Variants in USH1G observed in about 807,000 individuals in gnomAD.
The protein encoded by USH1G is USH1 protein network component sans.
Under a neutral mutation model 31.9 loss-of-function variants are expected in USH1G, and 27 were observed. That is an observed-to-expected ratio of 0.85 (90% confidence interval 0.62 to 1.17). The LOEUF (loss-of-function observed/expected upper bound fraction) is 1.17. Ranked by LOEUF, USH1G falls within the 50% of genes most tolerant of loss-of-function variation. The probability of loss-of-function intolerance (pLI) is 0.00; values close to 1 mark genes in which losing one functional copy is unlikely to be tolerated. For missense variants in USH1G, 674 were observed against 638.9 expected (o/e 1.05, Z -0.59); for synonymous variants, 266 against 283.2 (o/e 0.94, Z 0.61).
Position 74,916,887 on chromosome 17 carries a change from AC to A in USH1G, c.*1185del, listed in dbSNP as rs1194594718. The A allele has an allele frequency of 6.6e-6, 1 of 152,124 alleles. No homozygotes were observed. The allele number at this position is 152,124 out of a possible 1,614,324, so 9.4% of individuals were successfully genotyped here. On this transcript the variant is annotated 3_prime_UTR_variant, in exon 3 of 3. Coordinates refer to ENST00000614341, the MANE Select transcript of USH1G (RefSeq NM_173477.5). ...CCAACGTGAGTGTGCACACACGCAC[AC>A]ATGCACACACACACACATGCATGCA...
chr17:74,918,104 G>A lies in USH1G; in HGVS notation c.1383-28C>T. The A allele has an allele frequency of 6.2e-7, 1 of 1,613,654 alleles. No homozygotes were observed. The highest frequency in any genetic ancestry group is 2.2e-5 in the East Asian group (1 of 44,878). ...GTGGAGGAAGAGACAGAAAGAAACA[G>A]ATCTCACATGAGGCCCTCCAGAGGC... On this transcript the variant is annotated intron_variant, in intron 2 of 2. Transcript: ENST00000614341. This position sits in a 1 kb window ranked among gnomAD's most constrained non-coding sequence, Gnocchi z 4.1.
rs372068582 is a variant in USH1G at position 74,918,070 on chromosome 17, C to G, written c.*3G>C. The G allele has an allele frequency of 1.6e-4, 256 of 1,614,082 alleles. No individual in the cohort carries two copies. In the African/African-American group the frequency reaches 2.2e-3, roughly 14 times the overall value. ...ATTTTGGTCTGGGGAGAGGAGCCCC[C>G]GGTTATCTGTGGAGGAAGAGACAGA... On this transcript the variant is annotated 3_prime_UTR_variant, in exon 3 of 3. Transcript: ENST00000614341. This position sits in a 1 kb window ranked among gnomAD's most constrained non-coding sequence, Gnocchi z 4.1.
rs1214028437 is a variant in USH1G, at chr17:74,920,460, T to C, written c.376A>G (p.Ser126Gly). ...YLDSIAAKQSSLNPKLVGKLK... is the reference protein window; with the variant it reads ...YLDSIAAKQSGLNPKLVGKLK... ...TTACCCACCAGCTTGGGGTTGAGGC[T>C]GCTCTGCTTGGCCGCGATGGAGTCC... Residue 126 changes from serine (S) to glycine (G), a missense_variant, in exon 2 of 3, where the codon AGC becomes GGC. Transcript: ENST00000614341. The surrounding 1 kb of genome is among the most constrained non-coding windows in gnomAD (Gnocchi z 5.2). 1 of 1,613,752 alleles carries C rather than the reference T, an allele frequency of 6.2e-7. No homozygotes were observed. The highest frequency in any genetic ancestry group is 8.5e-7 in the Non-Finnish European group (1 of 1,180,046).
Position 74,923,179 on chromosome 17 carries a change from C to T in USH1G, c.-106G>A. ...CATGAGGTTGGAGGACGGGGCCGGG[C>T]AGGGGCCGGGGCCGCCAGCCCCCGC... is the stretch of plus-strand genomic sequence containing the variant. On this transcript the variant is annotated 5_prime_UTR_variant, in exon 1 of 3. Transcript: ENST00000614341. The surrounding 1 kb of genome is among the most constrained non-coding windows in gnomAD (Gnocchi z 5.3). 6 of 1,102,410 alleles carry T rather than the reference C, an allele frequency of 5.4e-6. No homozygotes were observed. Among genetic ancestry groups the T allele is most frequent in the South Asian group, 2.0e-5 (1 of 49,548 alleles). 68.3% of individuals were successfully genotyped at this position (1,102,410 alleles called of 1,614,324 possible). A position where few individuals can be genotyped will look rare whatever the true frequency, so the allele number is the denominator to read the frequency against.
Position 74,922,984 on chromosome 17 carries a change from C to A in USH1G, c.90G>T (p.Glu30Asp). 1.3e-6 allele frequency: 2 copies of A among 1,562,026 alleles called. No homozygotes were observed. Among genetic ancestry groups the A allele is most frequent in the Non-Finnish European group, 1.7e-6 (2 of 1,151,622 alleles). ...ATRKELNAPD[E>D]DGMTPTLWAA... ...CCCAGAGAGTGGGGGTCATGCCATC[C>A]TCGTCGGGGGCATTCAGCTCCTTTC... The change falls in exon 1 of 3, where the codon GAG (glutamate) becomes GAT (aspartate). Residue 30 changes from glutamate (E) to aspartate (D), a missense_variant. By Grantham distance (45) the Glu-to-Asp change is conservative. Coordinates refer to ENST00000614341, the MANE Select transcript of USH1G (RefSeq NM_173477.5).
At position 74,919,890 on chromosome 17, in the gene USH1G, C is replaced by T; in HGVS notation, c.946G>A (p.Val316Met). Residue 316 changes from valine to methionine, a missense_variant, in exon 2 of 3, where the codon GTG (valine) becomes ATG (methionine). Physicochemically the swap from Val to Met is conservative, Grantham distance 21. Coordinates refer to ENST00000614341, the MANE Select transcript of USH1G (RefSeq NM_173477.5). This position sits in a 1 kb window ranked among gnomAD's most constrained non-coding sequence, Gnocchi z 4.5. ...CTGCTCAAGTAATTTCTGCGGAACA[C>T]CATGGTGCCCAGGCCGGGGCGGGTA... ...LFTRPGLGTMVFRRNYLSSGL... is the reference protein window; with the variant it reads ...LFTRPGLGTMMFRRNYLSSGL... 1 of 1,613,266 alleles carries T rather than the reference C, an allele frequency of 6.2e-7. No homozygotes were observed. Among genetic ancestry groups the T allele is most frequent in the Non-Finnish European group, 8.5e-7 (1 of 1,179,938 alleles).
At position 74,921,280 on chromosome 17, in the gene USH1G, G is replaced by A. The variant is rs2038939747; in HGVS notation, c.165-609C>T. On this transcript the variant is annotated intron_variant, in intron 1 of 2. Transcript: ENST00000614341. The surrounding 1 kb of genome is among the most constrained non-coding windows in gnomAD (Gnocchi z 4.6). ...TCGGGCCTTGGCCTGGGCGGGGAGG[G>A]GAGTGTGGGGGCAGCCAGGACTGGA... Among the ~76,000 whole-genome samples the A allele has an allele frequency of 6.6e-6, 1 of 152,096 alleles. No homozygotes were observed. The highest frequency in any genetic ancestry group is 2.1e-4 in the South Asian group (1 of 4,832).
At position 74,919,993 on chromosome 17, in the gene USH1G, G is replaced by T. The variant is rs2038917242; in HGVS notation, c.843C>A (p.Asp281Glu). 1 of 1,612,240 alleles carries T rather than the reference G, an allele frequency of 6.2e-7. No homozygotes were observed. Among genetic ancestry groups the T allele is most frequent in the Non-Finnish European group, 8.5e-7 (1 of 1,179,616 alleles). ...PLRDMFLSDE[D>E]SVSRATLAAE... is the part of the protein sequence containing the mutation. ...CCGCCAGCGTGGCACGGGAGACGCT[G>T]TCCTCGTCCGAGAGGAACATGTCCC... is the stretch of plus-strand genomic sequence containing the variant. The change falls in exon 2 of 3, where the codon GAC becomes GAA. Residue 281 changes from aspartate to glutamate, a missense_variant. Coordinates refer to ENST00000614341, the MANE Select transcript of USH1G (RefSeq NM_173477.5). The surrounding 1 kb of genome is among the most constrained non-coding windows in gnomAD (Gnocchi z 4.5).
chr17:74,922,189 C>T (rs73997566), intron 1 of USH1G, among the ~76,000 whole-genome samples: 2,406 of 151,992 alleles, frequency 0.016, 58 homozygotes, highest in African/African-American at 0.052. Context: ...GGTGGCTCAA[C>T]TGCCACCTCC....
rs1038510201 is a variant in USH1G at position 74,918,426 on chromosome 17, C to T, written c.1383-350G>A. Reference sequence around the variant, plus strand: ...TGGCAGCCTTGGGCAACTATGACGGCCTTTGGAACATGAACTCTGCCTCCA... The same window carrying T: ...TGGCAGCCTTGGGCAACTATGACGGTCTTTGGAACATGAACTCTGCCTCCA... On this transcript the variant is annotated intron_variant, in intron 2 of 2. Transcript: ENST00000614341. The surrounding 1 kb of genome is among the most constrained non-coding windows in gnomAD (Gnocchi z 4.1). Among the ~76,000 whole-genome samples, 1 of 152,204 alleles carries T rather than the reference C, an allele frequency of 6.6e-6. No individual in the cohort carries two copies. Among genetic ancestry groups the T allele is most frequent in the Non-Finnish European group, 1.5e-5 (1 of 68,026 alleles).
chr17:74,919,681 C>T lies in USH1G; in HGVS notation c.1155G>A (p.Leu385=). 1 of 1,612,846 alleles carries T rather than the reference C, an allele frequency of 6.2e-7. No homozygotes were observed. The change falls in exon 2 of 3, where the codon CTG becomes CTA. Residue 385 remains leucine (L), a synonymous_variant. Coordinates refer to ENST00000614341, the MANE Select transcript of USH1G (RefSeq NM_173477.5). This position sits in a 1 kb window ranked among gnomAD's most constrained non-coding sequence, Gnocchi z 4.5. ...TCTCCAGCGGGCTAGTCTCGGGCTC[C>T]AGGTCCTCGTCCAAGCCTAAATCGA... ...DELDLGLDED[L]EPETSPLETF... is the part of the protein sequence containing the mutation.
rs1353176689 is a variant in USH1G at position 74,923,123 on chromosome 17, G to T, written c.-50C>A. 3.3e-6 allele frequency: 5 copies of T among 1,512,250 alleles called. No homozygotes were observed. The South Asian group carries it at 3.7e-5, about 11-fold the overall frequency. 93.7% of individuals were successfully genotyped at this position (1,512,250 alleles called of 1,614,324 possible). Reference sequence around the variant, plus strand: ...CGGGGGACACGGAGAAAGGCCCCCCGCAGGGGAGGGCGGCGGTATTAGGGC... The same window carrying T: ...CGGGGGACACGGAGAAAGGCCCCCCTCAGGGGAGGGCGGCGGTATTAGGGC... On this transcript the variant is annotated 5_prime_UTR_variant, in exon 1 of 3. Coordinates refer to ENST00000614341, the MANE Select transcript of USH1G (RefSeq NM_173477.5). The surrounding 1 kb of genome is among the most constrained non-coding windows in gnomAD (Gnocchi z 5.3).
Position 74,919,903 on chromosome 17 carries a change from G to A in USH1G, c.933C>T (p.Gly311=). ...TTCTGCGGAACACCATGGTGCCCAG[G>A]CCGGGGCGGGTAAACAGGGAGTCGT... ...SGHDSLFTRP[G]LGTMVFRRNY... is the part of the protein sequence containing the mutation. The change falls in exon 2 of 3, where the codon GGC becomes GGT. Residue 311 remains glycine (G), a synonymous_variant. Coordinates refer to ENST00000614341, the MANE Select transcript of USH1G (RefSeq NM_173477.5). The surrounding 1 kb of genome is among the most constrained non-coding windows in gnomAD (Gnocchi z 4.5). The A allele has an allele frequency of 6.2e-7, 1 of 1,613,256 alleles. No homozygotes were observed. The highest frequency in any genetic ancestry group is 8.5e-7 in the Non-Finnish European group (1 of 1,179,928).
In USH1G at chr17:74,916,995, GAA is replaced by G. The variant is rs2039317922; in HGVS notation, c.*1076_*1077del. 1 of 3,808 alleles carries G rather than the reference GAA, an allele frequency of 2.6e-4. No homozygotes were observed. The highest frequency in any genetic ancestry group is 3.3e-3 in the Admixed American group (1 of 300). The allele number at this position is 3,808 out of a possible 1,614,324, so 0.2% of individuals were successfully genotyped here. On this transcript the variant is annotated 3_prime_UTR_variant, in exon 3 of 3. Coordinates refer to ENST00000614341, the MANE Select transcript of USH1G (RefSeq NM_173477.5). ...CACACACACGCACACATGTATGCAA[GAA>G]CACACACACCCAAGCACACACCCGT...
At chr17:74,922,083 T>C (rs1567941383) in intron 1 of USH1G, among the ~76,000 whole-genome samples, 1 of 152,172 alleles carries the variant, frequency 6.6e-6, no homozygotes. Flanking sequence ...CAGACCAACC[T>C]GACTTCTCTT....
In USH1G at chr17:74,920,260, A is replaced by T; in HGVS notation, c.576T>A (p.His192Gln). 6.2e-7 allele frequency: 1 copy of T among 1,602,842 alleles called. No individual in the cohort carries two copies. Among genetic ancestry groups the T allele is most frequent in the Non-Finnish European group, 8.5e-7 (1 of 1,179,374 alleles). Reference protein sequence around the residue: ...TSSTLSRRLQHLALGSHLPYS... With the variant: ...TSSTLSRRLQQLALGSHLPYS... The stretch of plus-strand genomic sequence containing the variant: ...ACGGCAGGTGGCTGCCCAGCGCCAG[A>T]TGCTGCAGCCGGCGGCTCAGGGTGC... The change falls in exon 2 of 3, where the codon CAT becomes CAA. Residue 192 changes from histidine (H) to glutamine (Q), a missense_variant. Transcript: ENST00000614341. The surrounding 1 kb of genome is among the most constrained non-coding windows in gnomAD (Gnocchi z 5.2).
rs1275989370 is a variant in USH1G, at chr17:74,916,704, GGACACATGCTGT to G, written c.*1357_*1368del. On this transcript the variant is annotated 3_prime_UTR_variant, in exon 3 of 3. Transcript: ENST00000614341. ...GAGAGCTTTGGGGGCATACGTCAGA[GGACACATGCTGT>G]GACCACCCTCTGAGCTGGCCTTTCC... The G allele has an allele frequency of 6.6e-6, 1 of 152,266 alleles. No homozygotes were observed. The highest frequency in any genetic ancestry group is 1.5e-5 in the Non-Finnish European group (1 of 68,084). The allele number at this position is 152,266 out of a possible 1,614,324, so 9.4% of individuals were successfully genotyped here.
rs1048129198 is a variant in USH1G at position 74,917,046 on chromosome 17, A to C, written c.*1027T>G. ...GTGCTCACACATACCACATACTTAC[A>C]CACACATGCATGCACACACGCATAC... is the stretch of plus-strand genomic sequence containing the variant. On this transcript the variant is annotated 3_prime_UTR_variant, in exon 3 of 3. Coordinates refer to ENST00000614341, the MANE Select transcript of USH1G (RefSeq NM_173477.5). 5 of 152,390 alleles carry C rather than the reference A, an allele frequency of 3.3e-5. No homozygotes were observed. The highest frequency in any genetic ancestry group is 1.2e-4 in the African/African-American group (5 of 41,410). 9.4% of individuals were successfully genotyped at this position (152,390 alleles called of 1,614,324 possible). A position where few individuals can be genotyped will look rare whatever the true frequency, so the allele number is the denominator to read the frequency against.
rs2038932672 is a variant in USH1G, at chr17:74,920,671, CCTG to C, written c.165-3_165-1del. Reference sequence around the variant, plus strand: ...AGATGTCACACTTGTCCGGGTCACCCCTGCAGGGAAAGCATTCAGGAGGGACGA... The same window carrying C: ...AGATGTCACACTTGTCCGGGTCACCCCAGGGAAAGCATTCAGGAGGGACGA... On this transcript the variant is annotated splice_acceptor_variant and splice_polypyrimidine_tract_variant and intron_variant, in intron 1 of 2. Transcript: ENST00000614341. LOFTEE classifies it high-confidence loss of function. This position sits in a 1 kb window ranked among gnomAD's most constrained non-coding sequence, Gnocchi z 5.2. 6.2e-7 allele frequency: 1 copy of C among 1,613,364 alleles called. No homozygotes were observed. The highest frequency in any genetic ancestry group is 1.3e-5 in the African/African-American group (1 of 74,902).
Sources: gnomAD v4.1 joint callset for allele counts (sites outside exome capture counted in the v4.1 genomes callset) on GRCh38, gnomAD v4.1.1 for gene constraint, Gnocchi (gnomAD v3.1) non-coding constraint, MANE v1.5 for transcripts, NCBI Gene and HGNC (gene_info 2026-07-23, HGNC 2026-07-21) for gene names.